Variants in SASH1 observed in about 807,000 individuals in gnomAD.
SASH1 encodes the protein SAM and SH3 domain containing 1, also known as SAM and SH3 domain-containing protein 1.
SASH1 carries 44 observed loss-of-function variants against 125.2 expected under a neutral mutation model. That is an observed-to-expected ratio of 0.35 (90% CI 0.28 to 0.45). SASH1 has a LOEUF of 0.45. SASH1 is among the 20% of genes least tolerant of loss of function. The pLI is 1.00. For synonymous variants in SASH1, 639 were observed against 649.1 expected (o/e 0.98, Z 0.24); for missense variants, 1,426 against 1,614.5 (o/e 0.88, Z 2.00).
intron 1 of SASH1, among the ~76,000 whole-genome samples, chr6:148,388,485 A>C (rs1756390578): frequency 6.6e-6 from 1 of 152,208 alleles, no homozygotes. Flanking sequence ...CAAAGATCTT[A>C]CTGGCCTTAG....
chr6:148,277,367 C>T (rs1779216102), intron 1 of SASH1, among the ~76,000 whole-genome samples: 1 of 152,216 alleles, frequency 6.6e-6, no homozygotes, highest in Non-Finnish European at 1.5e-5. Context: ...GGTAGAATTG[C>T]ATGGCATGGA....
intron 1 of SASH1, among the ~76,000 whole-genome samples, chr6:148,299,232 T>C (rs1271978723): frequency 6.6e-6 from 1 of 152,194 alleles, no homozygotes. Flanking sequence ...GTTTAAACTA[T>C]AGCCAGTTGC....
At chr6:148,289,970 C>A (rs1285955968) in intron 1 of SASH1, among the ~76,000 whole-genome samples, 1 of 144,650 alleles carries the variant, frequency 6.9e-6, no homozygotes, top group Non-Finnish European at 1.5e-5. Context: ...CAGGTTCAAG[C>A]AATACTCCTG....
rs80143984 is a variant in SASH1 at position 148,277,040 on chromosome 6, C to T, written n.74+4663C>T. ...AACTCATTTAATCCTCACAACAACA[C>T]GGTGTGGTAGACACATAAAAATCCC... On this transcript the variant is annotated intron_variant and non_coding_transcript_variant, in intron 1 of 3. Coordinates refer to the SASH1 transcript ENST00000367469. 8.3e-3 allele frequency among the ~76,000 whole-genome samples: 1,261 copies of T among 152,304 alleles called. 7 individuals carry two copies. The highest frequency in any genetic ancestry group is 9.5e-3 in the Non-Finnish European group (646 of 68,024).
rs1256229043 is a variant in SASH1, at chr6:148,529,866, G to C, written c.1429-1660G>C. Among the ~76,000 whole-genome samples, 2 of 152,060 alleles carry C rather than the reference G, an allele frequency of 1.3e-5. No homozygotes were observed. Among genetic ancestry groups the C allele is most frequent in the East Asian group, 3.8e-4 (2 of 5,200 alleles). On this transcript the variant is annotated intron_variant, in intron 12 of 19. Coordinates refer to ENST00000367467, the MANE Select transcript of SASH1 (RefSeq NM_015278.5). This position sits in a 1 kb window ranked among gnomAD's most constrained non-coding sequence, Gnocchi z 4.2. Reference sequence around the variant, plus strand: ...CTGTCACCCAGGCTGGAGTGCAATGGTGTGGCCTCGGCTTACTGCAACCTC... The same window carrying C: ...CTGTCACCCAGGCTGGAGTGCAATGCTGTGGCCTCGGCTTACTGCAACCTC...
chr6:148,280,942 T>C (rs1779322417), intron 1 of SASH1, among the ~76,000 whole-genome samples: 1 of 151,694 alleles, frequency 6.6e-6, no homozygotes, highest in Non-Finnish European at 1.5e-5. Context: ...TTGTTTTGTT[T>C]TGTTTTGTTG....
At chr6:148,193,640 G>A in the SASH1 span, among the ~76,000 whole-genome samples, 1 of 152,210 alleles carries the variant, frequency 6.6e-6, no homozygotes, top group Non-Finnish European at 1.5e-5. Flanking sequence ...GTTGAATAAA[G>A]TGTTTAAATA....
intron 4 of SASH1, among the ~76,000 whole-genome samples, chr6:148,464,982 C>T (rs1777770006): frequency 6.6e-6 from 1 of 152,008 alleles, no homozygotes; most frequent in Non-Finnish European, 1.5e-5. Context: ...CAAGTCCAAA[C>T]CGGAGGATAA....
upstream of SASH1, among the ~76,000 whole-genome samples, chr6:148,270,149 G>T (rs9497986): frequency 0.23 from 35,551 of 152,134 alleles, 4,323 homozygotes; most frequent in South Asian, 0.29. Context: ...GACCTTCCTG[G>T]TATAGACAAG....
intron 1 of SASH1, among the ~76,000 whole-genome samples, chr6:148,316,690 A>T (rs4348339): frequency 0.21 from 32,248 of 152,164 alleles, 3,606 homozygotes; most frequent in East Asian, 0.34. Flanking sequence ...ATTTGACACC[A>T]TTGGTTTATG....
At chr6:148,530,914 A>G (rs1413074555) in intron 12 of SASH1, among the ~76,000 whole-genome samples, 1 of 152,240 alleles carries the variant, frequency 6.6e-6, no homozygotes, top group African/African-American at 2.4e-5. Flanking sequence ...ACACTTTAGA[A>G]AAGTGAAAGA....
At chr6:148,280,065 C>A (rs1206399492) in intron 1 of SASH1, among the ~76,000 whole-genome samples, 5 of 73,346 alleles carry the variant, frequency 6.8e-5, no homozygotes, top group African/African-American at 2.0e-4. Flanking sequence ...TCATTCCCCC[C>A]CATCATTCCC....
intron 1 of SASH1, among the ~76,000 whole-genome samples, chr6:148,346,983 T>C (rs1427087398): frequency 6.6e-6 from 1 of 152,192 alleles, no homozygotes; most frequent in African/African-American, 2.4e-5. Context: ...TAGAATCCTG[T>C]GGAATTTTAC....
At chr6:148,214,937 C>T in the SASH1 span, among the ~76,000 whole-genome samples, 1 of 152,206 alleles carries the variant, frequency 6.6e-6, no homozygotes, top group Non-Finnish European at 1.5e-5. Context: ...GGGGCCATCC[C>T]TGCCCTGGCC....
At chr6:148,470,638 A>G (rs1360581775) in intron 5 of SASH1, among the ~76,000 whole-genome samples, 1 of 152,232 alleles carries the variant, frequency 6.6e-6, no homozygotes, top group Non-Finnish European at 1.5e-5. Flanking sequence ...ATGTCTAGCT[A>G]TAGCAGCGAA....
At chr6:148,378,112 C>T (rs1026633929) in intron 1 of SASH1, among the ~76,000 whole-genome samples, 28 of 149,006 alleles carry the variant, frequency 1.9e-4, no homozygotes, top group Non-Finnish European at 2.7e-4. Flanking sequence ...AGTGCAGTGG[C>T]GCAATCTTGG....
intron 8 of SASH1, chr6:148,513,883 A>G: frequency 1.0e-6 from 1 of 986,336 alleles, no homozygotes. Context: ...GAAAAAGCCA[A>G]CAGAATTTTG....
the SASH1 span, among the ~76,000 whole-genome samples, chr6:148,232,041 A>G: frequency 6.6e-6 from 1 of 151,978 alleles, no homozygotes; most frequent in African/African-American, 2.4e-5. Context: ...AAAAGTGACA[A>G]AGCTTGTCCT....
chr6:148,413,560 CAA>C (rs1382318890), intron 2 of SASH1, among the ~76,000 whole-genome samples: 2 of 152,090 alleles, frequency 1.3e-5, no homozygotes, highest in African/African-American at 4.8e-5. Flanking sequence ...AATGCGGGCT[CAA>C]GAGAAGCGGT....
Sources: gnomAD v4.1 joint callset for allele counts (sites outside exome capture counted in the v4.1 genomes callset) on GRCh38, gnomAD v4.1.1 for gene constraint, Gnocchi (gnomAD v3.1) non-coding constraint, MANE v1.5 for transcripts, NCBI Gene and HGNC (gene_info 2026-07-23, HGNC 2026-07-21) for gene names.